The following GALNT13 variants were observed in gnomAD, a reference collection of about 807,000 sequenced individuals.
GALNT13 encodes UDP-GalNAc:polypeptide N-acetylgalactosaminyltransferase 13.
GALNT13 carries 28 observed loss-of-function variants against 64.2 expected under a neutral mutation model. The ratio of observed to expected loss-of-function variants is 0.44; its 90% CI spans 0.32 to 0.60. GALNT13 has a LOEUF of 0.60. Ranked by LOEUF, GALNT13 falls within the 20% of genes least tolerant of loss-of-function variation. The pLI, the probability that GALNT13 is intolerant of heterozygous loss-of-function variation, is 0.05. For missense variants in GALNT13, 577 were observed against 669.8 expected (o/e 0.86, Z 1.53); for synonymous variants, 214 against 224.6 (o/e 0.95, Z 0.42).
intron 8 of GALNT13, among the ~76,000 whole-genome samples, chr2:154,290,391 A>G (rs1453410855): frequency 1.3e-5 from 2 of 152,234 alleles, no homozygotes; most frequent in African/African-American, 4.8e-5. Flanking sequence ...TCTCCTGTTA[A>G]GGCAAGCCGA....
intron 2 of GALNT13, among the ~76,000 whole-genome samples, chr2:153,930,357 G>A (rs1404105648): frequency 1.3e-5 from 2 of 152,044 alleles, no homozygotes; most frequent in African/African-American, 4.8e-5. Context: ...GGGAATTTTT[G>A]TTTTTGTTGC....
chr2:154,114,294 C>A (rs1703156287), intron 3 of GALNT13, among the ~76,000 whole-genome samples: 1 of 152,118 alleles, frequency 6.6e-6, no homozygotes, highest in Non-Finnish European at 1.5e-5. Flanking sequence ...TATGTCCATG[C>A]CAATTATGCA....
At chr2:153,348,216 C>T in the GALNT13 span, among the ~76,000 whole-genome samples, 3 of 152,176 alleles carry the variant, frequency 2.0e-5, no homozygotes, top group Admixed American at 6.5e-5. Context: ...CACCACCAGA[C>T]GTGCACGTTT....
chr2:153,219,053 G>C, the GALNT13 span, among the ~76,000 whole-genome samples: 1 of 152,188 alleles, frequency 6.6e-6, no homozygotes, highest in Non-Finnish European at 1.5e-5. Flanking sequence ...AAACAGAATA[G>C]TTGCACTTTC....
chr2:153,098,083 A>G, the GALNT13 span, among the ~76,000 whole-genome samples: 1 of 152,126 alleles, frequency 6.6e-6, no homozygotes, highest in Non-Finnish European at 1.5e-5. Context: ...AACAAAACCA[A>G]CAAACAAAAT....
intron 8 of GALNT13, among the ~76,000 whole-genome samples, chr2:154,279,773 C>A (rs1017001426): frequency 1.3e-5 from 2 of 152,174 alleles, no homozygotes; most frequent in Non-Finnish European, 2.9e-5. Context: ...TGTAATGTAA[C>A]CTTCATTGAC....
chr2:154,049,995 T>G (rs2105344456), intron 3 of GALNT13, among the ~76,000 whole-genome samples: 1 of 152,262 alleles, frequency 6.6e-6, no homozygotes, highest in Non-Finnish European at 1.5e-5. Context: ...AAATGTTTAT[T>G]ATATTATTAA....
At chr2:153,538,425 T>C in the GALNT13 span, among the ~76,000 whole-genome samples, 1 of 137,804 alleles carries the variant, frequency 7.3e-6, no homozygotes, top group South Asian at 2.4e-4. Flanking sequence ...AGTTTTAGGG[T>C]ACATGTGCAC....
At chr2:154,269,402 G>T (rs1417293707) in intron 8 of GALNT13, among the ~76,000 whole-genome samples, 1 of 151,134 alleles carries the variant, frequency 6.6e-6, no homozygotes, top group Non-Finnish European at 1.5e-5. Context: ...GATGAAAGTA[G>T]GTTATTTGTC....
At chr2:153,985,120 A>T (rs1694709755) in intron 3 of GALNT13, among the ~76,000 whole-genome samples, 1 of 152,048 alleles carries the variant, frequency 6.6e-6, no homozygotes. Flanking sequence ...GTAAAAAGTA[A>T]ACTTTCTGTA....
At chr2:153,839,708 G>C in the GALNT13 span, among the ~76,000 whole-genome samples, 1 of 151,728 alleles carries the variant, frequency 6.6e-6, no homozygotes, top group Non-Finnish European at 1.5e-5. Flanking sequence ...TTTCTGATCT[G>C]TTTTGAAATA....
At chr2:153,126,294 TTGTATATATATATATATATATATA>T in the GALNT13 span, among the ~76,000 whole-genome samples, 5 of 50,956 alleles carry the variant, frequency 9.8e-5, no homozygotes, top group Admixed American at 3.4e-4. Flanking sequence ...AGTATTGATT[TTGTATATATATATATATATATATA>T]TATATATATA....
At chr2:154,099,688 A>T (rs1307050954) in intron 3 of GALNT13, among the ~76,000 whole-genome samples, 1 of 152,110 alleles carries the variant, frequency 6.6e-6, no homozygotes, top group Non-Finnish European at 1.5e-5. Context: ...CTGTAATACC[A>T]GCACTTTGGG....
chr2:153,437,040 G>A, the GALNT13 span, among the ~76,000 whole-genome samples: 1 of 151,914 alleles, frequency 6.6e-6, no homozygotes, highest in Non-Finnish European at 1.5e-5. Flanking sequence ...TGTTCTCGTT[G>A]GTTTCAAAGA....
chr2:154,068,665 T>C (rs913586102), intron 3 of GALNT13, among the ~76,000 whole-genome samples: 16 of 152,064 alleles, frequency 1.1e-4, no homozygotes, highest in African/African-American at 3.9e-4. Context: ...TTGTGAGAGC[T>C]AAAAATTACA....
the GALNT13 span, among the ~76,000 whole-genome samples, chr2:153,438,384 T>C: frequency 1.4e-4 from 21 of 152,332 alleles, 1 homozygote; most frequent in South Asian, 1.2e-3. Flanking sequence ...CTTTGCTCGA[T>C]TGGGGAAGTG....
chr2:153,455,313 A>G, the GALNT13 span, among the ~76,000 whole-genome samples: 1 of 152,228 alleles, frequency 6.6e-6, no homozygotes, highest in Non-Finnish European at 1.5e-5. Flanking sequence ...ATAAGAAGGC[A>G]GCTGGGAAGT....
chr2:153,557,545 G>A, the GALNT13 span, among the ~76,000 whole-genome samples: 24 of 152,202 alleles, frequency 1.6e-4, no homozygotes, highest in South Asian at 3.9e-3. Context: ...TACCAACATC[G>A]TTTCATTTAC....
chr2:153,214,816 T>C, the GALNT13 span, among the ~76,000 whole-genome samples: 2 of 152,136 alleles, frequency 1.3e-5, no homozygotes, highest in Non-Finnish European at 2.9e-5. Context: ...AATAAGTCAC[T>C]AGGAAAACTG....
Sources: allele counts gnomAD v4.1 joint callset (sites outside exome capture counted in the v4.1 genomes callset), GRCh38; gene constraint gnomAD v4.1.1; transcripts MANE v1.5; gene names NCBI Gene and HGNC (gene_info 2026-07-23, HGNC 2026-07-21).